Variants in PRDM16 observed in about 807,000 individuals in gnomAD.
PRDM16 encodes the protein histone-lysine N-methyltransferase PRDM16.
Under a neutral mutation model 110.6 loss-of-function variants are expected in PRDM16, and 23 were observed. That is an observed-to-expected ratio of 0.21 (90% CI 0.15 to 0.29). The LOEUF (loss-of-function observed/expected upper bound fraction) is 0.29. Among genes scored for constraint, PRDM16 ranks in the 10% least tolerant of loss-of-function variants. PRDM16 has a pLI of 1.00. For synonymous variants in PRDM16, 799 were observed against 781.8 expected (o/e 1.02, Z -0.37); for missense variants, 1,615 against 1,794.3 (o/e 0.90, Z 1.81).
chr1:3,119,834 T>TG (rs1180696307), intron 1 of PRDM16, among the ~76,000 whole-genome samples: 2 of 152,210 alleles, frequency 1.3e-5, no homozygotes, highest in Non-Finnish European at 2.9e-5. Flanking sequence ...GATTGTCCCC[T>TG]GCTCAGCAGC....
At chr1:3,207,935 G>A (rs543200914) in intron 2 of PRDM16, 5 of 152,256 alleles carry the variant, frequency 3.3e-5, no homozygotes, top group South Asian at 4.1e-4. Context: ...CTGGCACAGC[G>A]GCTGAGAAAC....
intron 3 of PRDM16, among the ~76,000 whole-genome samples, chr1:3,362,906 C>A (rs937168431): frequency 1.3e-5 from 2 of 152,166 alleles, no homozygotes; most frequent in East Asian, 3.9e-4. Flanking sequence ...CAGAACTGTT[C>A]GGGGTTCACA....
chr1:3,114,506 GCA>G (rs139234332), intron 1 of PRDM16, among the ~76,000 whole-genome samples: 3,960 of 149,856 alleles, frequency 0.026, 71 homozygotes, highest in Non-Finnish European at 0.03. Flanking sequence ...ACACGCGCAT[GCA>G]CACACACATG....
chr1:3,198,721 G>A (rs1231849058), intron 2 of PRDM16, among the ~76,000 whole-genome samples: 2 of 152,220 alleles, frequency 1.3e-5, no homozygotes, highest in Non-Finnish European at 2.9e-5. Context: ...GCTGGGGCAG[G>A]GATTACCAGC....
chr1:3,358,087 G>A lies in PRDM16; in HGVS notation c.439-27065G>A, dbSNP rs911445971. Among the ~76,000 whole-genome samples the A allele has an allele frequency of 6.6e-6, 1 of 152,224 alleles. No individual in the cohort carries two copies. The highest frequency in any genetic ancestry group is 2.4e-5 in the African/African-American group (1 of 41,472). ...GCTAACGGCGGTGCCCAGTGGCCTG[G>A]CCTCACGCGTGGGTCCATCCCGGAA... On this transcript the variant is annotated intron_variant, in intron 3 of 16. Transcript: ENST00000270722. This position sits in a 1 kb window ranked among gnomAD's most constrained non-coding sequence, Gnocchi z 4.0.
At chr1:3,202,554 G>A (rs58819932) in intron 2 of PRDM16, among the ~76,000 whole-genome samples, 19,887 of 152,194 alleles carry the variant, frequency 0.13, 1,533 homozygotes, top group African/African-American at 0.2. Context: ...CTCTGGCTGC[G>A]CTGCCCATGT....
chr1:3,311,181 G>C (rs565099844), intron 3 of PRDM16, among the ~76,000 whole-genome samples: 1 of 152,320 alleles, frequency 6.6e-6, no homozygotes, highest in East Asian at 1.9e-4. Flanking sequence ...AGACGGAGCC[G>C]TCGCTTCCCA....
At chr1:3,368,745 G>A (rs1040750731) in intron 3 of PRDM16, among the ~76,000 whole-genome samples, 1 of 152,082 alleles carries the variant, frequency 6.6e-6, no homozygotes, top group Non-Finnish European at 1.5e-5. Flanking sequence ...ATCAATAGAG[G>A]CAGATCTGCC....
At chr1:3,267,166 C>T (rs1481301829) in intron 3 of PRDM16, among the ~76,000 whole-genome samples, 1 of 152,190 alleles carries the variant, frequency 6.6e-6, no homozygotes, top group Admixed American at 6.5e-5. Flanking sequence ...CCGTGAGCAG[C>T]CACGCCCATC....
intron 2 of PRDM16, among the ~76,000 whole-genome samples, chr1:3,235,717 C>T (rs1353279806): frequency 2.6e-5 from 4 of 152,186 alleles, no homozygotes; most frequent in African/African-American, 4.8e-5. Flanking sequence ...AAAGAGCGCC[C>T]GTGAGTCCAG....
Position 3,213,854 on chromosome 1 carries a change from C to T in PRDM16, c.387+27380C>T, listed in dbSNP as rs1401289443. Among the ~76,000 whole-genome samples, 3 of 152,150 alleles carry T rather than the reference C, an allele frequency of 2.0e-5. No individual in the cohort carries two copies. The highest frequency in any genetic ancestry group is 2.0e-4 in the Admixed American group (3 of 15,286). On this transcript the variant is annotated intron_variant, in intron 2 of 16. Coordinates refer to ENST00000270722, the MANE Select transcript of PRDM16 (RefSeq NM_022114.4). This position sits in a 1 kb window ranked among gnomAD's most constrained non-coding sequence, Gnocchi z 5.3. The stretch of plus-strand genomic sequence containing the variant: ...TGCCTTCCCAGGAGGCCTTGCCACC[C>T]CCCATTAATCCTGCAATTCCAGATC...
At chr1:3,283,811 C>T (rs140745685) in intron 3 of PRDM16, among the ~76,000 whole-genome samples, 10 of 152,372 alleles carry the variant, frequency 6.6e-5, no homozygotes, top group African/African-American at 2.2e-4. Context: ...TCCAGCAAAG[C>T]CGGCTGGTGG....
chr1:3,104,168 G>A (rs1642594398), intron 1 of PRDM16, among the ~76,000 whole-genome samples: 1 of 152,208 alleles, frequency 6.6e-6, no homozygotes, highest in Admixed American at 6.5e-5. Flanking sequence ...GCATGGCTCA[G>A]GAGCCTGCAT....
rs1307062938 is a variant in PRDM16, at chr1:3,434,203, A to G, written c.*392A>G. 2.0e-5 allele frequency: 5 copies of G among 252,240 alleles called. No individual in the cohort carries two copies. The highest frequency in any genetic ancestry group is 3.0e-5 in the Non-Finnish European group (4 of 131,222). 15.6% of individuals were successfully genotyped at this position (252,240 alleles called of 1,614,324 possible). A position where few individuals can be genotyped will look rare whatever the true frequency, so the allele number is the denominator to read the frequency against. ...ATGGATAGACTGGTGTGCTCAAAAG[A>G]GAGAGATCACTCAAATGATTTTTAT... On this transcript the variant is annotated 3_prime_UTR_variant, in exon 17 of 17. Coordinates refer to ENST00000270722, the MANE Select transcript of PRDM16 (RefSeq NM_022114.4).
At chr1:3,115,088 G>C (rs1416635072) in intron 1 of PRDM16, among the ~76,000 whole-genome samples, 1 of 152,258 alleles carries the variant, frequency 6.6e-6, no homozygotes, top group Non-Finnish European at 1.5e-5. Context: ...CTCTGAGCCT[G>C]AGTGCTGCAG....
intron 3 of PRDM16, among the ~76,000 whole-genome samples, chr1:3,344,343 G>A (rs757540143): frequency 4.6e-5 from 7 of 152,072 alleles, no homozygotes; most frequent in Admixed American, 3.3e-4. Context: ...CTAGGGACTT[G>A]TTATTTCATG....
chr1:3,212,953 C>T (rs1319253252), intron 2 of PRDM16, among the ~76,000 whole-genome samples: 5 of 152,212 alleles, frequency 3.3e-5, no homozygotes, highest in African/African-American at 9.6e-5. Context: ...CCCAGGTACT[C>T]GTTTAAGAGC....
chr1:3,199,157 C>G (rs950449), intron 2 of PRDM16, among the ~76,000 whole-genome samples: 117,412 of 152,084 alleles, frequency 0.77, 45,574 homozygotes, highest in South Asian at 0.83. Flanking sequence ...AGGATGCTTG[C>G]TTGCTCCACA....
intron 8 of PRDM16, among the ~76,000 whole-genome samples, chr1:3,407,276 C>T (rs760757884): frequency 1.1e-4 from 16 of 152,328 alleles, no homozygotes; most frequent in Non-Finnish European, 1.6e-4. Context: ...AGCGTCCAGC[C>T]GTCCTGCTAG....
Sources: allele counts gnomAD v4.1 joint callset (sites outside exome capture counted in the v4.1 genomes callset), GRCh38; gene constraint gnomAD v4.1.1; non-coding constraint Gnocchi (gnomAD v3.1); transcripts MANE v1.5; gene names NCBI Gene and HGNC (gene_info 2026-07-23, HGNC 2026-07-21).